SEZ6L: variants seen among roughly 807,000 people sequenced by gnomAD.
SEZ6L encodes seizure 6-like protein.
SEZ6L carries 37 observed loss-of-function variants against 106.2 expected under a neutral mutation model. That is an observed-to-expected ratio of 0.35 (90% confidence interval 0.27 to 0.46). The LOEUF (loss-of-function observed/expected upper bound fraction) is 0.46, where lower values mean the gene tolerates loss of function less well. SEZ6L is among the 20% of genes least tolerant of loss of function. The pLI is 1.00. For synonymous variants in SEZ6L, 541 were observed against 570.4 expected, an observed-to-expected ratio of 0.95 and a Z score of 0.73; for missense variants, 1,172 against 1,332.8, an observed-to-expected ratio of 0.88 and a Z score of 1.88.
At chr22:26,298,750 C>T (rs933276443) in intron 4 of SEZ6L, among the ~76,000 whole-genome samples, 1 of 152,126 alleles carries the variant, frequency 6.6e-6, no homozygotes, top group Non-Finnish European at 1.5e-5. Context: ...CATCCCAAAC[C>T]TGCTGTCTCT....
At chr22:26,314,531 C>A (rs1206155735) in intron 9 of SEZ6L, among the ~76,000 whole-genome samples, 1 of 152,186 alleles carries the variant, frequency 6.6e-6, no homozygotes, top group Non-Finnish European at 1.5e-5. Flanking sequence ...GTCTGACTAC[C>A]CTCTGTTTCC....
chr22:26,186,868 C>T (rs571445891), intron 1 of SEZ6L, among the ~76,000 whole-genome samples: 1 of 152,214 alleles, frequency 6.6e-6, no homozygotes, highest in African/African-American at 2.4e-5. Flanking sequence ...TTATTCTCAG[C>T]TGTGCTTAGG....
chr22:26,250,157 GC>G (rs1316993429), intron 1 of SEZ6L, among the ~76,000 whole-genome samples: 2 of 152,084 alleles, frequency 1.3e-5, no homozygotes, highest in African/African-American at 4.8e-5. Flanking sequence ...CTGTGTAGAA[GC>G]TTTTTAGTTT....
intron 1 of SEZ6L, among the ~76,000 whole-genome samples, chr22:26,285,237 A>G (rs750366986): frequency 2.5e-4 from 38 of 152,008 alleles, no homozygotes; most frequent in Non-Finnish European, 4.3e-4. Context: ...AGCATGTAAT[A>G]AGTGCAGAAT....
chr22:26,377,939 C>T (rs1032188255), intron 16 of SEZ6L, among the ~76,000 whole-genome samples, 164 bp downstream of exon 16: 2 of 152,098 alleles, frequency 1.3e-5, no homozygotes, highest in Non-Finnish European at 2.9e-5. Context: ...TGGGAGAACC[C>T]AGCTCTCTTT....
intron 1 of SEZ6L, among the ~76,000 whole-genome samples, chr22:26,237,275 A>T (rs2078983283): frequency 1.3e-5 from 2 of 152,210 alleles, no homozygotes; most frequent in Non-Finnish European, 2.9e-5. Flanking sequence ...CCACTGCTTC[A>T]TTCCTTCAAT....
chr22:26,174,219 T>A (rs889043218), intron 1 of SEZ6L, among the ~76,000 whole-genome samples: 8 of 152,142 alleles, frequency 5.3e-5, no homozygotes, highest in Non-Finnish European at 1.0e-4. Flanking sequence ...CAGTGAAGGC[T>A]TCCTGGAGCA....
At chr22:26,267,774 A>G (rs2080236766) in intron 1 of SEZ6L, among the ~76,000 whole-genome samples, 1 of 152,156 alleles carries the variant, frequency 6.6e-6, no homozygotes, top group South Asian at 2.1e-4. Context: ...AGATCCATGG[A>G]GGGAATTTAA....
At position 26,292,486 on chromosome 22, in the gene SEZ6L, AAAGAGCACCCTG is replaced by A; in HGVS notation, c.181_192del (p.His61_Glu64del). On this transcript the variant is annotated inframe_deletion, in exon 2 of 17. Transcript: ENST00000248933. ...AGCCCCGGAGAGAGGCAGTCCTGGC[AAAGAGCACCCTG>A]AAGAGAGAGTGGTAACAGCGCCCCC... 1 of 1,613,960 alleles carries A rather than the reference AAAGAGCACCCTG, an allele frequency of 6.2e-7. No homozygotes were observed. Among genetic ancestry groups the A allele is most frequent in the Middle Eastern group, 1.7e-4 (1 of 6,060 alleles).
intron 1 of SEZ6L, among the ~76,000 whole-genome samples, chr22:26,213,370 G>A (rs1404522208): frequency 2.6e-5 from 4 of 152,178 alleles, no homozygotes; most frequent in African/African-American, 9.6e-5. Context: ...CTGGGCATTC[G>A]CTTTCCGACG....
chr22:26,263,185 G>T (rs1371875407), intron 1 of SEZ6L, among the ~76,000 whole-genome samples: 2 of 152,180 alleles, frequency 1.3e-5, no homozygotes, highest in African/African-American at 4.8e-5. Flanking sequence ...CCAAGAGGGG[G>T]AAGTTATTAC....
At chr22:26,309,670 C>T (rs1490689652) in intron 6 of SEZ6L, among the ~76,000 whole-genome samples, 1 of 152,148 alleles carries the variant, frequency 6.6e-6, no homozygotes, top group African/African-American at 2.4e-5. Context: ...TCTCTGGCTT[C>T]CAGGTTCAAG....
chr22:26,205,544 G>C (rs1941230672), intron 1 of SEZ6L, among the ~76,000 whole-genome samples: 1 of 151,956 alleles, frequency 6.6e-6, no homozygotes, highest in Non-Finnish European at 1.5e-5. Flanking sequence ...TGCTGTTTCT[G>C]TAAGTGTGAG....
intron 1 of SEZ6L, among the ~76,000 whole-genome samples, chr22:26,268,332 A>G (rs1157532330): frequency 6.6e-6 from 1 of 152,252 alleles, no homozygotes; most frequent in Admixed American, 6.5e-5. Flanking sequence ...TTAAAGTGAT[A>G]AGAGGCATCT....
chr22:26,268,625 T>G (rs1181441575), intron 1 of SEZ6L, among the ~76,000 whole-genome samples: 2 of 152,152 alleles, frequency 1.3e-5, no homozygotes, highest in Non-Finnish European at 2.9e-5. Context: ...TAGGCCAGGG[T>G]CTCTCCATCT....
intron 12 of SEZ6L, chr22:26,351,540 T>TGTTGGTTGGTTG (rs11281026): frequency 1.3e-3 from 312 of 238,108 alleles, no homozygotes; most frequent in Middle Eastern, 6.5e-3. Flanking sequence ...TTTGTTTGTT[T>TGTTGGTTGGTTG]GTTTGTTGGT....
chr22:26,234,893 A>G (rs1044988757), intron 1 of SEZ6L, among the ~76,000 whole-genome samples: 1 of 152,226 alleles, frequency 6.6e-6, no homozygotes, highest in African/African-American at 2.4e-5. Context: ...AAGAGGTGAT[A>G]TTTAAGCTAA....
intron 1 of SEZ6L, among the ~76,000 whole-genome samples, chr22:26,170,221 G>A (rs1321491724): frequency 6.6e-6 from 1 of 151,898 alleles, no homozygotes; most frequent in Non-Finnish European, 1.5e-5. Flanking sequence ...TGCATTTGCC[G>A]CTCCCCCCGA....
intron 1 of SEZ6L, among the ~76,000 whole-genome samples, chr22:26,254,655 G>C (rs1475345495): frequency 2.0e-5 from 3 of 152,162 alleles, no homozygotes; most frequent in African/African-American, 7.2e-5. Flanking sequence ...ACACCCAACA[G>C]AGTGCTGAGC....
Sources: allele counts gnomAD v4.1 joint callset (sites outside exome capture counted in the v4.1 genomes callset), GRCh38; gene constraint gnomAD v4.1.1; transcripts MANE v1.5; gene names NCBI Gene and HGNC (gene_info 2026-07-23, HGNC 2026-07-21).